SBF1: variants seen among roughly 807,000 people sequenced by gnomAD.
SBF1 encodes myotubularin-related protein 5.
A neutral mutation model predicts 215.8 loss-of-function variants in SBF1; 65 were observed. The observed-to-expected ratio is 0.30, with a 90% confidence interval of 0.25 to 0.37. The LOEUF (loss-of-function observed/expected upper bound fraction) is 0.37. Among genes scored for constraint, SBF1 ranks in the 10% least tolerant of loss-of-function variants. The pLI is 1.00. For missense variants in SBF1, 2,634 were observed against 2,667.8 expected, an observed-to-expected ratio of 0.99 and a Z score of 0.28; for synonymous variants, 1,410 against 1,122.8, an observed-to-expected ratio of 1.26 and a Z score of -5.11.
chr22:50,468,165 ATGAG>A (rs1197403183), intron 2 of SBF1, among the ~76,000 whole-genome samples: 2 of 152,136 alleles, frequency 1.3e-5, no homozygotes, highest in Non-Finnish European at 2.9e-5. Context: ...CCCCACCATC[ATGAG>A]TGAGTGACAA....
rs1303890992 is a variant in SBF1, at chr22:50,454,672, T to C, written c.4883A>G (p.Glu1628Gly). 1 of 1,575,466 alleles carries C rather than the reference T, an allele frequency of 6.3e-7. No individual in the cohort carries two copies. Residue 1628 changes from glutamate to glycine, a missense_variant, in exon 36 of 41, where the codon GAG becomes GGG. By Grantham distance (98) the Glu-to-Gly change is moderately conservative. Coordinates refer to ENST00000380817, the MANE Select transcript of SBF1 (RefSeq NM_002972.4). ...CAGTTCCCAGTCATAGGGAGGGCCC[T>C]CGGCCAGCGTCTCCTCAGTGTAGAA... ...WDFYTEETLA[E>G]GPPYDWELAQ... is the part of the protein sequence containing the mutation.
At position 50,462,488 on chromosome 22, in the gene SBF1, C is replaced by T. The variant is rs965002188; in HGVS notation, c.2128-15G>A. 8 of 1,612,688 alleles carry T rather than the reference C, an allele frequency of 5.0e-6. No homozygotes were observed. Among genetic ancestry groups the T allele is most frequent in the East Asian group, 2.2e-5 (1 of 44,880 alleles). ...TCCCCAACCTCCTGCCACGGCACCACACGCATGAGCCGGGGCCACGCTGCC... is the reference window on the plus strand; with the variant it reads ...TCCCCAACCTCCTGCCACGGCACCATACGCATGAGCCGGGGCCACGCTGCC... On this transcript the variant is annotated splice_polypyrimidine_tract_variant and intron_variant, in intron 18 of 40. Transcript: ENST00000380817.
At position 50,463,429 on chromosome 22, in the gene SBF1, G is replaced by A. The variant is rs957648613; in HGVS notation, c.1753C>T (p.Leu585Phe). The A allele has an allele frequency of 1.3e-6, 2 of 1,568,670 alleles. No individual in the cohort carries two copies. The highest frequency in any genetic ancestry group is 1.7e-6 in the Non-Finnish European group (2 of 1,154,838). Residue 585 changes from leucine to phenylalanine, a missense_variant, in exon 16 of 41, where the codon CTC (leucine) becomes TTC (phenylalanine). Physicochemically the swap from Leu to Phe is conservative, Grantham distance 22 (BLOSUM62 0). Coordinates refer to ENST00000380817, the MANE Select transcript of SBF1 (RefSeq NM_002972.4). ...EGKMLEAKKLLPAVLRALKGR... is the reference protein window; with the variant it reads ...EGKMLEAKKLFPAVLRALKGR... ...TTCAGGGCCCTCAACACGGCTGGGAGCAGCTGGGGGTGGGGAAAGGAGACA... is the reference window on the plus strand; with the variant it reads ...TTCAGGGCCCTCAACACGGCTGGGAACAGCTGGGGGTGGGGAAAGGAGACA...
Position 50,468,042 on chromosome 22 carries a change from G to A in SBF1, c.142-119C>T. 4.6e-6 allele frequency: 6 copies of A among 1,309,362 alleles called. No homozygotes were observed. The East Asian group carries it at 1.2e-4, about 26-fold the overall frequency. 81.1% of individuals were successfully genotyped at this position (1,309,362 alleles called of 1,614,324 possible). On this transcript the variant is annotated intron_variant, in intron 2 of 40. Transcript: ENST00000380817. ...CTCCAACACACACAGGCAGCTCCTT[G>A]CTTGGAGACCCTGGGGACACGTGGC...
At chr22:50,468,270 CG>C in intron 2 of SBF1, 105 bp downstream of exon 2, 2 of 1,098,910 alleles carry the variant, frequency 1.8e-6, no homozygotes, top group Middle Eastern at 2.5e-4. Flanking sequence ...CCTAGCCCAG[CG>C]GGGGGCCGGG....
chr22:50,462,761 G>C, intron 17 of SBF1, 44 bp from the exon 18 acceptor site: 1 of 1,609,314 alleles, frequency 6.2e-7, no homozygotes, highest in Non-Finnish European at 8.5e-7. Context: ...CAGCCAGGAA[G>C]GGCGGCTGGG....
chr22:50,448,397 G>A lies in SBF1; in HGVS notation c.5199C>T (p.Arg1733=). The A allele has an allele frequency of 2.5e-6, 4 of 1,613,932 alleles. No individual in the cohort carries two copies. Among genetic ancestry groups the A allele is most frequent in the Non-Finnish European group, 3.4e-6 (4 of 1,180,026 alleles). ...LLVSTAPHHR[R]SLGVYLQEGP... The stretch of plus-strand genomic sequence containing the variant: ...CCTCCTGCAGGTACACACCCAGCGA[G>A]CGACGGTGGTGGGGTGCGGTGGACA... The change falls in exon 38 of 41, where the codon CGC becomes CGT. Residue 1733 remains arginine, a synonymous_variant. Coordinates refer to ENST00000380817, the MANE Select transcript of SBF1 (RefSeq NM_002972.4).
Position 50,455,288 on chromosome 22 carries a change from G to C in SBF1, c.4490C>G (p.Thr1497Ser), listed in dbSNP as rs1241002384. Residue 1497 changes from threonine (T) to serine (S), a missense_variant, in exon 33 of 41, where the codon ACC becomes AGC. Transcript: ENST00000380817. The stretch of plus-strand genomic sequence containing the variant: ...GAAGCCGCTGCTCTGCCCGGCCAGG[G>C]TGTGAGCTCCACGGTGGCTGAAGCG... ...GHRFSHRGAHTLAGQSSGFTP... is the reference protein window; with the variant it reads ...GHRFSHRGAHSLAGQSSGFTP... 2 of 1,613,508 alleles carry C rather than the reference G, an allele frequency of 1.2e-6. No individual in the cohort carries two copies.
chr22:50,460,496 T>G (rs1569511804), intron 24 of SBF1, 38 bp downstream of exon 24: 1 of 1,610,938 alleles, frequency 6.2e-7, no homozygotes, highest in Admixed American at 1.7e-5. Context: ...GGAACACGGC[T>G]GAGGCCCAGC....
chr22:50,467,298 G>A (rs760806586), intron 5 of SBF1, 40 bp downstream of exon 5: 70 of 1,536,894 alleles, frequency 4.6e-5, no homozygotes, highest in Non-Finnish European at 5.7e-5. Context: ...CAGCAGGAGG[G>A]CCTGTGGCTG....
At position 50,466,374 on chromosome 22, in the gene SBF1, G is replaced by A; in HGVS notation, c.764C>T (p.Ala255Val). The A allele has an allele frequency of 6.4e-7, 1 of 1,559,078 alleles. No homozygotes were observed. Among genetic ancestry groups the A allele is most frequent in the South Asian group, 1.2e-5 (1 of 85,178 alleles). Residue 255 changes from alanine to valine, a missense_variant, in exon 7 of 41, where the codon GCA becomes GTA. Ala to Val is a moderately conservative substitution (Grantham distance 64). Transcript: ENST00000380817. The stretch of plus-strand genomic sequence containing the variant: ...CCTGTATCTGAGAGGAAACAGCAGT[G>A]CCAGGAGGCCCCTACAGGCATCGGC... ...RLADACRGLL[A>V]LLFPLRYSFT...
At chr22:50,463,612 G>A (rs762605963) in intron 15 of SBF1, among the ~76,000 whole-genome samples, 180 bp from the exon 16 acceptor site, 8 of 152,248 alleles carry the variant, frequency 5.3e-5, no homozygotes, top group Non-Finnish European at 1.2e-4. Context: ...AACTCCACAA[G>A]TACAAGTTCA....
rs759688413 is a variant in SBF1, at chr22:50,454,832, A to G, written c.4794T>C (p.Tyr1598=). 9 of 1,613,842 alleles carry G rather than the reference A, an allele frequency of 5.6e-6. No individual in the cohort carries two copies. The South Asian group carries it at 6.6e-5, about 12-fold the overall frequency. ...AGCTTACCTCTGCGTCCTCGGGCGC[A>G]TACATGTAATTGTGGAACACAGGCG... ...KRTPVFHNYM[Y]APEDAEVLRP... is the part of the protein sequence containing the mutation. The change falls in exon 35 of 41, where the codon TAT becomes TAC. Residue 1598 remains tyrosine, a synonymous_variant. Transcript: ENST00000380817.
chr22:50,470,131 C>G (rs1276059735), intron 1 of SBF1, among the ~76,000 whole-genome samples: 1 of 151,970 alleles, frequency 6.6e-6, no homozygotes, highest in Non-Finnish European at 1.5e-5. Context: ...GCTCCTCCCC[C>G]ACCCCGCCCA....
chr22:50,464,956 G>A, intron 12 of SBF1, 39 bp from the exon 13 acceptor site: 1 of 1,613,892 alleles, frequency 6.2e-7, no homozygotes, highest in South Asian at 1.1e-5. Context: ...GCCATGGTCA[G>A]GCGGAGCCAG....
intron 36 of SBF1, 112 bp from the exon 37 acceptor site, chr22:50,448,762 T>G: frequency 1.3e-6 from 1 of 761,916 alleles, no homozygotes; most frequent in Non-Finnish European, 2.2e-6. Flanking sequence ...CTAACGCGTG[T>G]GTGACTGGCC....
At position 50,456,147 on chromosome 22, in the gene SBF1, T is replaced by C; in HGVS notation, c.4266+69A>G. The C allele has an allele frequency of 2.0e-6, 3 of 1,516,802 alleles. No homozygotes were observed. In the South Asian group the frequency reaches 3.6e-5, roughly 18 times the overall value. The allele number at this position is 1,516,802 out of a possible 1,614,324, so 94.0% of individuals were successfully genotyped here. On this transcript the variant is annotated intron_variant, in intron 31 of 40. Coordinates refer to ENST00000380817, the MANE Select transcript of SBF1 (RefSeq NM_002972.4). ...TGTCAGACAAGCAAACCTAGACCCG[T>C]CCACTTGGCTCTACCCAAGGGGAGG...
At chr22:50,468,889 G>A (rs376612220) in intron 1 of SBF1, among the ~76,000 whole-genome samples, 3 of 152,130 alleles carry the variant, frequency 2.0e-5, no homozygotes, top group South Asian at 2.1e-4. Flanking sequence ...GGACCCAGCC[G>A]GGGGTGTGGA....
rs1304032797 is a variant in SBF1, at chr22:50,445,806, GC to G, written c.*1335del. ...CTGACAGGGTCCAAGGCCATCCTTG[GC>G]TTCAACGTCCCACCAGGGGAGGGTC... On this transcript the variant is annotated 3_prime_UTR_variant, in exon 41 of 41. Transcript: ENST00000380817. 1 of 152,422 alleles carries G rather than the reference GC, an allele frequency of 6.6e-6. No homozygotes were observed. Among genetic ancestry groups the G allele is most frequent in the Non-Finnish European group, 1.5e-5 (1 of 68,236 alleles). The allele number at this position is 152,422 out of a possible 1,614,324, so 9.4% of individuals were successfully genotyped here.
Sources: gnomAD v4.1 joint callset for allele counts (sites outside exome capture counted in the v4.1 genomes callset) on GRCh38, gnomAD v4.1.1 for gene constraint, MANE v1.5 for transcripts, NCBI Gene and HGNC (gene_info 2026-07-23, HGNC 2026-07-21) for gene names.